The following HSP90B1 variants were observed in gnomAD, a reference collection of about 807,000 sequenced individuals.
HSP90B1 encodes the protein endoplasmin.
In HSP90B1, 27 loss-of-function variants were observed where a neutral mutation model predicts 100.4. The observed-to-expected ratio is 0.27, with a 90% confidence interval of 0.20 to 0.37. The LOEUF (loss-of-function observed/expected upper bound fraction) is 0.37. Ranked by LOEUF, HSP90B1 falls within the 10% of genes least tolerant of loss-of-function variation. HSP90B1 has a pLI of 1.00. For synonymous variants in HSP90B1, 304 were observed against 330.8 expected (o/e 0.92, Z 0.88); for missense variants, 678 against 960.5 (o/e 0.71, Z 3.89).
In HSP90B1 at chr12:103,930,647, G is replaced by A. The variant is rs183492193; in HGVS notation, c.49+83G>A. Reference sequence around the variant, plus strand: ...GGTCCTGGGGGCGTTGAACGTGGGAGGGGGGATCCCGGGGCCTGCGGTGGG... The same window carrying A: ...GGTCCTGGGGGCGTTGAACGTGGGAAGGGGGATCCCGGGGCCTGCGGTGGG... On this transcript the variant is annotated intron_variant, in intron 1 of 17. Coordinates refer to ENST00000299767, the MANE Select transcript of HSP90B1 (RefSeq NM_003299.3). The surrounding 1 kb of genome is among the most constrained non-coding windows in gnomAD (Gnocchi z 4.4). 724 of 1,400,646 alleles carry A rather than the reference G, an allele frequency of 5.2e-4. 1 individual carries two copies. In the African/African-American group the frequency reaches 6.1e-3, roughly 12 times the overall value. 86.8% of individuals were successfully genotyped at this position (1,400,646 alleles called of 1,614,324 possible).
In HSP90B1 at chr12:103,938,359, C is replaced by T; in HGVS notation, c.875C>T (p.Pro292Leu). 1.3e-6 allele frequency: 2 copies of T among 1,558,044 alleles called. No individual in the cohort carries two copies. The highest frequency in any genetic ancestry group is 1.7e-6 in the Non-Finnish European group (2 of 1,147,676). The change falls in exon 7 of 18, where the codon CCC becomes CTC. Residue 292 changes from proline (P) to leucine (L), a missense_variant. Physicochemically the swap from Pro to Leu is moderately conservative, Grantham distance 98. Coordinates refer to ENST00000299767, the MANE Select transcript of HSP90B1 (RefSeq NM_003299.3). ...CAACAGACTGAAACTGTTGAGGAGC[C>T]CATGGAGGAAGAAGAAGCAGCCAAA... ...WSSKTETVEEPMEEEEAAKEE... is the reference protein window; with the variant it reads ...WSSKTETVEELMEEEEAAKEE...
chr12:103,940,284 T>C (rs1241373792), intron 8 of HSP90B1, among the ~76,000 whole-genome samples: 3 of 152,006 alleles, frequency 2.0e-5, no homozygotes, highest in South Asian at 2.1e-4. Flanking sequence ...CAAACACTTA[T>C]TGTGAGATCC....
Position 103,942,845 on chromosome 12 carries a change from G to C in HSP90B1, c.1644+49G>C, listed in dbSNP as rs368741896. The stretch of plus-strand genomic sequence containing the variant: ...TCAGCCATTCTGGAAGGTAGCTAGG[G>C]ATTTATAGCCAACTCTTGAGGGGGA... On this transcript the variant is annotated intron_variant, in intron 12 of 17. Coordinates refer to ENST00000299767, the MANE Select transcript of HSP90B1 (RefSeq NM_003299.3). The C allele has an allele frequency of 2.9e-5, 47 of 1,597,474 alleles. No individual in the cohort carries two copies. In the African/African-American group the frequency reaches 6.2e-4, roughly 21 times the overall value.
chr12:103,932,441 A>G, intron 3 of HSP90B1, 23 bp downstream of exon 3: 1 of 1,590,024 alleles, frequency 6.3e-7, no homozygotes, highest in South Asian at 1.1e-5. Context: ...TGGTTAGAAT[A>G]TTTTATCTCT....
At position 103,938,349 on chromosome 12, in the gene HSP90B1, G is replaced by A; in HGVS notation, c.865G>A (p.Val289Ile). Residue 289 changes from valine (V) to isoleucine (I), a missense_variant, in exon 7 of 18, where the codon GTT becomes ATT. This residue lies in a region of HSP90B1 where 238 missense variants were observed against 346.7 expected (regional missense o/e 0.69). Transcript: ENST00000299767. ...TCTCTTATTTCAACAGACTGAAACTGTTGAGGAGCCCATGGAGGAAGAAGA... is the reference window on the plus strand; with the variant it reads ...TCTCTTATTTCAACAGACTGAAACTATTGAGGAGCCCATGGAGGAAGAAGA... ...IYVWSSKTETVEEPMEEEEAA... is the reference protein window; with the variant it reads ...IYVWSSKTETIEEPMEEEEAA... 1.3e-6 allele frequency: 2 copies of A among 1,554,140 alleles called. No homozygotes were observed. The highest frequency in any genetic ancestry group is 1.7e-6 in the Non-Finnish European group (2 of 1,146,850).
At position 103,942,830 on chromosome 12, in the gene HSP90B1, T is replaced by C. The variant is rs981157187; in HGVS notation, c.1644+34T>C. ...AACTCATAAGTGTTGTCAGCCATTC[T>C]GGAAGGTAGCTAGGGATTTATAGCC... On this transcript the variant is annotated intron_variant, in intron 12 of 17. Coordinates refer to ENST00000299767, the MANE Select transcript of HSP90B1 (RefSeq NM_003299.3). 4 of 1,607,660 alleles carry C rather than the reference T, an allele frequency of 2.5e-6. No individual in the cohort carries two copies. The African/African-American group carries it at 5.4e-5, about 22-fold the overall frequency.
intron 2 of HSP90B1, 31 bp from the exon 3 acceptor site, chr12:103,932,246 C>G: frequency 6.3e-7 from 1 of 1,579,872 alleles, no homozygotes. Flanking sequence ...CTATGCCATG[C>G]AATATTTGCT....
intron 4 of HSP90B1, among the ~76,000 whole-genome samples, chr12:103,933,170 G>A (rs1593487502): frequency 2.0e-5 from 3 of 152,220 alleles, no homozygotes; most frequent in South Asian, 2.1e-4. Flanking sequence ...GACTGCTTCT[G>A]TGCTTCAACA....
intron 7 of HSP90B1, 74 bp downstream of exon 7, chr12:103,938,533 C>T (rs764942383): frequency 1.7e-4 from 251 of 1,506,014 alleles, no homozygotes; most frequent in Non-Finnish European, 2.1e-4. Flanking sequence ...CCTAAGTATG[C>T]ACTGGCTGAT....
chr12:103,944,617 C>T (rs1245951666), intron 14 of HSP90B1, among the ~76,000 whole-genome samples: 4 of 151,132 alleles, frequency 2.6e-5, no homozygotes, highest in Admixed American at 1.3e-4. Flanking sequence ...AGTACAGTGG[C>T]GCAATCTCTG....
rs758439685 is a variant in HSP90B1, at chr12:103,947,443, A to C, written c.2382+13A>C. ...AGAAACAGCAAAGGTATGGCAAATC[A>C]AGAATGTGACTTGCATTTTCAGTTC... On this transcript the variant is annotated intron_variant, in intron 17 of 17. Transcript: ENST00000299767. 2 of 1,614,150 alleles carry C rather than the reference A, an allele frequency of 1.2e-6. No individual in the cohort carries two copies. Among genetic ancestry groups the C allele is most frequent in the East Asian group, 2.2e-5 (1 of 44,870 alleles).
At position 103,932,244 on chromosome 12, in the gene HSP90B1, T is replaced by G. The variant is rs372860107; in HGVS notation, c.153-33T>G. 16 of 1,579,468 alleles carry G rather than the reference T, an allele frequency of 1.0e-5. No homozygotes were observed. In the African/African-American group the frequency reaches 2.0e-4, roughly 20 times the overall value. On this transcript the variant is annotated intron_variant, in intron 2 of 17. Transcript: ENST00000299767. ...TCTAGTTTTGAAGGGAACTATGCCA[T>G]GCAATATTTGCTTACCTAACTGATT... is the stretch of plus-strand genomic sequence containing the variant.
intron 14 of HSP90B1, among the ~76,000 whole-genome samples, chr12:103,944,579 CAG>C (rs2136217245): frequency 6.6e-6 from 1 of 151,050 alleles, no homozygotes; most frequent in South Asian, 2.1e-4. Context: ...TCCCCCGAGA[CAG>C]AGTCTTGCTC....
rs1198120741 is a variant in HSP90B1, at chr12:103,947,810, G to A, written c.*148G>A. ...GGATTATGGGTCACAGGAAAAAGTGGGTTTTTTAGTTGAATTTTTTTTAAC... is the reference window on the plus strand; with the variant it reads ...GGATTATGGGTCACAGGAAAAAGTGAGTTTTTTAGTTGAATTTTTTTTAAC... On this transcript the variant is annotated 3_prime_UTR_variant, in exon 18 of 18. Coordinates refer to ENST00000299767, the MANE Select transcript of HSP90B1 (RefSeq NM_003299.3). 1 of 716,892 alleles carries A rather than the reference G, an allele frequency of 1.4e-6. No homozygotes were observed. The highest frequency in any genetic ancestry group is 2.6e-5 in the East Asian group (1 of 37,858). The allele number at this position is 716,892 out of a possible 1,614,324, so 44.4% of individuals were successfully genotyped here.
intron 3 of HSP90B1, 54 bp downstream of exon 3, chr12:103,932,472 A>G (rs1395830016): frequency 2.0e-6 from 3 of 1,504,814 alleles, no homozygotes; most frequent in Non-Finnish European, 2.7e-6. Context: ...ATACTTGTTT[A>G]CTTAAATTTG....
chr12:103,946,593 A>C, intron 14 of HSP90B1, 25 bp from the exon 15 acceptor site: 1 of 1,535,038 alleles, frequency 6.5e-7, no homozygotes, highest in Non-Finnish European at 9.0e-7. Flanking sequence ...ATGTTTTGTT[A>C]ATGTTCATTT....
chr12:103,932,954 G>C lies in HSP90B1; in HGVS notation c.411+12G>C, dbSNP rs753946809. ...CAGTCAAAATTAAGGTAAGTGTAAG[G>C]CAGTTTTTCTTTCTTTTAAAGGAAA... On this transcript the variant is annotated intron_variant, in intron 4 of 17. Coordinates refer to ENST00000299767, the MANE Select transcript of HSP90B1 (RefSeq NM_003299.3). 1 of 1,309,580 alleles carries C rather than the reference G, an allele frequency of 7.6e-7. No individual in the cohort carries two copies. Among genetic ancestry groups the C allele is most frequent in the South Asian group, 1.2e-5 (1 of 84,746 alleles). The allele number at this position is 1,309,580 out of a possible 1,614,324, so 81.1% of individuals were successfully genotyped here. A position where few individuals can be genotyped will look rare whatever the true frequency, so the allele number is the denominator to read the frequency against.
chr12:103,946,593 A>T, intron 14 of HSP90B1, 25 bp from the exon 15 acceptor site: 1 of 1,535,034 alleles, frequency 6.5e-7, no homozygotes, highest in Non-Finnish European at 9.0e-7. Flanking sequence ...ATGTTTTGTT[A>T]ATGTTCATTT....
At chr12:103,938,491 T>C (rs754661656) in intron 7 of HSP90B1, 32 bp downstream of exon 7, 3 of 1,594,946 alleles carry the variant, frequency 1.9e-6, no homozygotes, top group Non-Finnish European at 2.6e-6. Flanking sequence ...GCATAAGATA[T>C]TGTTTAACAT....
Sources: allele counts gnomAD v4.1 joint callset (sites outside exome capture counted in the v4.1 genomes callset), GRCh38; gene constraint gnomAD v4.1.1; regional missense constraint gnomAD v4.1.1; non-coding constraint Gnocchi (gnomAD v3.1); transcripts MANE v1.5; gene names NCBI Gene and HGNC (gene_info 2026-07-23, HGNC 2026-07-21).